The following SPIDR variants were observed in gnomAD, a reference collection of about 807,000 sequenced individuals.
The protein encoded by SPIDR is DNA repair-scaffolding protein.
SPIDR carries 93 observed loss-of-function variants against 104.6 expected under a neutral mutation model. The ratio of observed to expected loss-of-function variants is 0.89; its 90% CI spans 0.75 to 1.06. The LOEUF (loss-of-function observed/expected upper bound fraction) is 1.06, where lower values mean the gene tolerates loss of function less well. Among genes scored for constraint, SPIDR ranks in the 50% least tolerant of loss-of-function variants. SPIDR has a pLI of 0.00. For synonymous variants in SPIDR, 431 were observed against 416.9 expected, an observed-to-expected ratio of 1.03 and a Z score of -0.41; for missense variants, 1,154 against 1,111.2, an observed-to-expected ratio of 1.04 and a Z score of -0.55.
At chr8:47,610,697 C>G (rs73567593) in intron 10 of SPIDR, among the ~76,000 whole-genome samples, 2,293 of 152,288 alleles carry the variant, frequency 0.015, 58 homozygotes, top group African/African-American at 0.053. Flanking sequence ...AGCAAAAATC[C>G]TGTAGAGCAA....
intron 10 of SPIDR, among the ~76,000 whole-genome samples, chr8:47,626,633 A>G (rs1173974284): frequency 6.6e-6 from 1 of 152,250 alleles, no homozygotes; most frequent in Non-Finnish European, 1.5e-5. Context: ...AAACACATGA[A>G]AAAATGCTCA....
chr8:47,530,080 A>G (rs1035179257), intron 8 of SPIDR, among the ~76,000 whole-genome samples: 15 of 152,350 alleles, frequency 9.8e-5, no homozygotes, highest in Middle Eastern at 3.4e-3. Context: ...TCTAGGCTGT[A>G]TGGTATAGCC....
chr8:47,464,130 AC>A (rs1554715536), intron 8 of SPIDR, among the ~76,000 whole-genome samples: 1 of 134,532 alleles, frequency 7.4e-6, no homozygotes, highest in Non-Finnish European at 1.5e-5. Flanking sequence ...ACACACACAC[AC>A]ACACACACAC....
chr8:47,419,052 T>G (rs2064919696), intron 7 of SPIDR: 1 of 152,222 alleles, frequency 6.6e-6, no homozygotes, highest in Non-Finnish European at 1.5e-5. Context: ...GCATCGATGT[T>G]CCTCAGGGAT....
rs371683101 is a variant in SPIDR, at chr8:47,440,406, T to C, written c.961T>C (p.Leu321=). The C allele has an allele frequency of 2.2e-5, 35 of 1,614,098 alleles. No homozygotes were observed. Among genetic ancestry groups the C allele is most frequent in the Non-Finnish European group, 2.6e-5 (31 of 1,180,034 alleles). Residue 321 remains leucine, a synonymous_variant, in exon 8 of 20, where the codon TTG becomes CTG. Transcript: ENST00000297423. ...AMQVAMCEQL[L]GSPATSSSQS... The stretch of plus-strand genomic sequence containing the variant: ...GCAAGTTGCCATGTGTGAGCAGTTA[T>C]TGGGGTCACCAGCCACCAGCTCCTC...
At chr8:47,271,708 A>C (rs995215244) in intron 1 of SPIDR, among the ~76,000 whole-genome samples, 4 of 152,028 alleles carry the variant, frequency 2.6e-5, no homozygotes, top group Admixed American at 1.3e-4. Flanking sequence ...AGTGAGTCCA[A>C]CTTCTGGCTC....
intron 10 of SPIDR, among the ~76,000 whole-genome samples, chr8:47,622,379 G>C (rs766439831): frequency 3.9e-5 from 6 of 152,174 alleles, no homozygotes; most frequent in Non-Finnish European, 7.3e-5. Context: ...AGCCTGTGAC[G>C]TTCCCTAAGC....
At chr8:47,268,686 G>T (rs2034604416) in intron 1 of SPIDR, among the ~76,000 whole-genome samples, 2 of 152,058 alleles carry the variant, frequency 1.3e-5, no homozygotes. Context: ...TCAAATTCCT[G>T]GGCTCAAGGG....
chr8:47,329,073 A>AT (rs781881911), intron 5 of SPIDR, among the ~76,000 whole-genome samples: 16,034 of 140,876 alleles, frequency 0.11, 1,258 homozygotes, highest in African/African-American at 0.23. Context: ...TGCCTAGCTA[A>AT]TTTTTTTTTT....
intron 16 of SPIDR, among the ~76,000 whole-genome samples, chr8:47,715,337 C>G (rs555682552): frequency 6.6e-6 from 1 of 151,842 alleles, no homozygotes; most frequent in Non-Finnish European, 1.5e-5. Context: ...CCACCATGCC[C>G]GGCTAATTTT....
chr8:47,460,676 T>C (rs2073790765), intron 8 of SPIDR, among the ~76,000 whole-genome samples: 1 of 152,194 alleles, frequency 6.6e-6, no homozygotes, highest in Non-Finnish European at 1.5e-5. Context: ...TGTGAGGTAC[T>C]GTTTCATTCA....
intron 8 of SPIDR, among the ~76,000 whole-genome samples, chr8:47,578,900 CTT>C (rs2059419308): frequency 6.6e-6 from 1 of 152,100 alleles, no homozygotes; most frequent in Non-Finnish European, 1.5e-5. Context: ...AACTGTCTGA[CTT>C]GGGTAGGAAG....
At chr8:47,335,933 T>C (rs1355620520) in intron 5 of SPIDR, among the ~76,000 whole-genome samples, 1 of 152,072 alleles carries the variant, frequency 6.6e-6, no homozygotes, top group Admixed American at 6.6e-5. Flanking sequence ...TTTTTTTTTT[T>C]AATTCTGCAT....
chr8:47,673,398 C>T (rs2076034720), intron 10 of SPIDR: 1 of 457,292 alleles, frequency 2.2e-6, no homozygotes. Context: ...CCACACAAAG[C>T]AAATATTTCT....
At chr8:47,359,269 GT>G (rs1268410706) in intron 5 of SPIDR, among the ~76,000 whole-genome samples, 12 of 110,196 alleles carry the variant, frequency 1.1e-4, no homozygotes, top group Non-Finnish European at 2.5e-4. Context: ...AAAAAAAAAA[GT>G]TTTTTTTTAA....
At chr8:47,454,815 A>G (rs1034471756) in intron 8 of SPIDR, among the ~76,000 whole-genome samples, 87 of 152,080 alleles carry the variant, frequency 5.7e-4, no homozygotes, top group African/African-American at 2.0e-3. Flanking sequence ...ACAGTGTGCT[A>G]TGAGCATGTG....
At chr8:47,284,392 T>TTTTGTTTG (rs782640221) in intron 3 of SPIDR, among the ~76,000 whole-genome samples, 34 of 152,016 alleles carry the variant, frequency 2.2e-4, no homozygotes, top group African/African-American at 6.0e-4. Flanking sequence ...AGCTCCAGGG[T>TTTTGTTTG]TTTGTTTGTT....
At chr8:47,484,408 C>T (rs1007247296) in intron 8 of SPIDR, among the ~76,000 whole-genome samples, 3 of 152,232 alleles carry the variant, frequency 2.0e-5, no homozygotes, top group African/African-American at 7.2e-5. Context: ...GCTCAGCTGT[C>T]CTGGGCCAGG....
At chr8:47,491,956 G>A (rs1249258702) in intron 8 of SPIDR, among the ~76,000 whole-genome samples, 1 of 152,144 alleles carries the variant, frequency 6.6e-6, no homozygotes, top group African/African-American at 2.4e-5. Flanking sequence ...GTGAGAAGGA[G>A]CCAGGCCCCA....
Sources: gnomAD v4.1 joint callset for allele counts (sites outside exome capture counted in the v4.1 genomes callset) on GRCh38, gnomAD v4.1.1 for gene constraint, MANE v1.5 for transcripts, NCBI Gene and HGNC (gene_info 2026-07-23, HGNC 2026-07-21) for gene names.